The following CNGB3 variants were observed in gnomAD, a reference collection of about 807,000 sequenced individuals.
CNGB3 encodes the protein cyclic nucleotide gated channel subunit beta 3.
In CNGB3, 86 loss-of-function variants were observed where a neutral mutation model predicts 92.8. The observed-to-expected ratio is 0.93, with a 90% CI of 0.78 to 1.11. The LOEUF (loss-of-function observed/expected upper bound fraction) is 1.11. CNGB3 is among the 50% of genes least tolerant of loss of function. The pLI is 0.00. For synonymous variants in CNGB3, 333 were observed against 332.7 expected, an observed-to-expected ratio of 1.00 and a Z score of -0.01; for missense variants, 1,026 against 956.8, an observed-to-expected ratio of 1.07 and a Z score of -0.95.
At chr8:86,603,716 T>C (rs1039194095) in intron 15 of CNGB3, among the ~76,000 whole-genome samples, 1 of 152,198 alleles carries the variant, frequency 6.6e-6, no homozygotes, top group Non-Finnish European at 1.5e-5. Context: ...CCCACAGCTA[T>C]GATCACATCA....
chr8:86,618,520 C>T (rs963190082), intron 13 of CNGB3, among the ~76,000 whole-genome samples: 1 of 101,022 alleles, frequency 9.9e-6, no homozygotes, highest in African/African-American at 3.9e-5. Context: ...TATCTCCCCT[C>T]CCTATCGGAG....
intron 3 of CNGB3, among the ~76,000 whole-genome samples, chr8:86,721,608 TA>T (rs1227579415): frequency 6.6e-6 from 1 of 152,172 alleles, no homozygotes; most frequent in Non-Finnish European, 1.5e-5. Flanking sequence ...TTGCAATGTT[TA>T]ATTATAAAAG....
At chr8:86,599,572 T>C (rs763475233) in intron 15 of CNGB3, among the ~76,000 whole-genome samples, 54 of 152,212 alleles carry the variant, frequency 3.5e-4, no homozygotes, top group Middle Eastern at 3.4e-3. Context: ...GGAACATCCC[T>C]GAGAAAGAGA....
chr8:86,618,743 A>C (rs1330327622), intron 13 of CNGB3, among the ~76,000 whole-genome samples: 1 of 152,252 alleles, frequency 6.6e-6, no homozygotes, highest in African/African-American at 2.4e-5. Context: ...GGTAGAAATG[A>C]AACACAAGTC....
Position 86,735,042 on chromosome 8 carries a change from GTTTTTTTTTTTTTTT to G in CNGB3, c.211+4598_211+4612del, listed in dbSNP as rs60107723. ...CATGTCAAATTCTCAAATGCCGGTG[GTTTTTTTTTTTTTTT>G]TTTTTTTTTTTTTGTATGGTATACT... On this transcript the variant is annotated intron_variant, in intron 2 of 17. Coordinates refer to ENST00000320005, the MANE Select transcript of CNGB3 (RefSeq NM_019098.5). Among the ~76,000 whole-genome samples, 12 of 85,872 alleles carry G rather than the reference GTTTTTTTTTTTTTTT, an allele frequency of 1.4e-4. No homozygotes were observed. In the East Asian group the frequency reaches 1.5e-3, roughly 11 times the overall value. The allele number at this position is 85,872 out of a possible 152,430, so 56.3% of individuals were successfully genotyped here.
At chr8:86,724,679 G>T (rs1277276843) in intron 3 of CNGB3, among the ~76,000 whole-genome samples, 4 of 152,164 alleles carry the variant, frequency 2.6e-5, no homozygotes, top group Middle Eastern at 3.4e-3. Flanking sequence ...TATAATAGGG[G>T]CACATAGCCT....
At chr8:86,739,000 T>G (rs1825293286) in intron 2 of CNGB3, among the ~76,000 whole-genome samples, 1 of 152,054 alleles carries the variant, frequency 6.6e-6, no homozygotes, top group Admixed American at 6.5e-5. Flanking sequence ...TAGAAGTAAA[T>G]CAGGAGAGGG....
At chr8:86,743,081 T>A (rs867716170) in intron 1 of CNGB3, among the ~76,000 whole-genome samples, 2 of 152,144 alleles carry the variant, frequency 1.3e-5, no homozygotes, top group African/African-American at 4.8e-5. Context: ...CCTTGAGTGG[T>A]AAAATCGCTC....
intron 2 of CNGB3, among the ~76,000 whole-genome samples, chr8:86,738,386 G>A (rs1365564076): frequency 2.0e-5 from 3 of 152,140 alleles, no homozygotes; most frequent in Non-Finnish European, 2.9e-5. Flanking sequence ...CAAAGTGGTG[G>A]TTAATGGAAA....
At chr8:86,579,047 C>CA in intron 16 of CNGB3, 59 bp downstream of exon 16, 1 of 1,605,644 alleles carries the variant, frequency 6.2e-7, no homozygotes, top group African/African-American at 1.3e-5. Context: ...CTCCCTATCT[C>CA]AGAGTTTACA....
intron 6 of CNGB3, chr8:86,660,248 C>A: frequency 3.3e-6 from 1 of 304,972 alleles, no homozygotes. Flanking sequence ...TCAATGTTTT[C>A]TTGGCCACAG....
chr8:86,612,124 A>G (rs1046525645), intron 13 of CNGB3, among the ~76,000 whole-genome samples: 3 of 152,106 alleles, frequency 2.0e-5, no homozygotes, highest in Non-Finnish European at 4.4e-5. Context: ...GTTAGATATT[A>G]TTATTTAACC....
intron 3 of CNGB3, among the ~76,000 whole-genome samples, chr8:86,698,951 G>A (rs901479449): frequency 3.3e-5 from 5 of 152,126 alleles, no homozygotes; most frequent in African/African-American, 1.2e-4. Context: ...AGCTTTATAA[G>A]CTCCTAAGAG....
Position 86,644,608 on chromosome 8 carries a change from G to A in CNGB3, c.1055+14C>T, listed in dbSNP as rs754887717. 4 of 1,599,926 alleles carry A rather than the reference G, an allele frequency of 2.5e-6. No homozygotes were observed. On this transcript the variant is annotated intron_variant, in intron 9 of 17. Coordinates refer to ENST00000320005, the MANE Select transcript of CNGB3 (RefSeq NM_019098.5). ...TTTTTCCCCTTCCCCCAAGTATACTGAGTTATACTTTACCTGTAGATATAT... is the reference window on the plus strand; with the variant it reads ...TTTTTCCCCTTCCCCCAAGTATACTAAGTTATACTTTACCTGTAGATATAT...
chr8:86,681,623 G>A (rs771163323), intron 3 of CNGB3, among the ~76,000 whole-genome samples: 50 of 152,216 alleles, frequency 3.3e-4, no homozygotes, highest in East Asian at 5.8e-4. Context: ...GGTCACCAGC[G>A]GTGAGTGAAA....
At chr8:86,621,507 A>G (rs1822725799) in intron 13 of CNGB3, among the ~76,000 whole-genome samples, 1 of 152,138 alleles carries the variant, frequency 6.6e-6, no homozygotes, top group Non-Finnish European at 1.5e-5. Context: ...TTGGGGAACA[A>G]GTGGTTTTTG....
intron 15 of CNGB3, among the ~76,000 whole-genome samples, chr8:86,587,878 C>T (rs1047150760): frequency 1.3e-5 from 2 of 152,102 alleles, no homozygotes; most frequent in African/African-American, 2.4e-5. Context: ...TGTGATGAAA[C>T]GCATTGGTAG....
intron 3 of CNGB3, among the ~76,000 whole-genome samples, chr8:86,701,016 T>C (rs1164359893): frequency 4.6e-5 from 7 of 152,192 alleles, no homozygotes; most frequent in African/African-American, 1.7e-4. Flanking sequence ...GTTTAAAATA[T>C]AAACAATATT....
chr8:86,675,397 A>G (rs1823947147), intron 3 of CNGB3, among the ~76,000 whole-genome samples: 1 of 151,884 alleles, frequency 6.6e-6, no homozygotes, highest in Non-Finnish European at 1.5e-5. Flanking sequence ...TGATAAACAT[A>G]GGAGGAAACT....
Sources: gnomAD v4.1 joint callset for allele counts (sites outside exome capture counted in the v4.1 genomes callset) on GRCh38, gnomAD v4.1.1 for gene constraint, MANE v1.5 for transcripts, NCBI Gene and HGNC (gene_info 2026-07-23, HGNC 2026-07-21) for gene names.